Variants in CRIM1 observed in about 807,000 individuals in gnomAD.
The protein encoded by CRIM1 is cysteine-rich motor neuron 1 protein.
In CRIM1, 32 loss-of-function variants were observed where a neutral mutation model predicts 116.4. That is an observed-to-expected ratio of 0.27 (90% CI 0.21 to 0.37). CRIM1 has a LOEUF of 0.37. Among genes scored for constraint, CRIM1 ranks in the 10% least tolerant of loss-of-function variants. The pLI, the probability that CRIM1 is intolerant of heterozygous loss-of-function variation, is 1.00. For synonymous variants in CRIM1, 590 were observed against 509.2 expected (o/e 1.16, Z -2.13); for missense variants, 1,331 against 1,354.8 (o/e 0.98, Z 0.28).
intron 11 of CRIM1, among the ~76,000 whole-genome samples, chr2:36,515,512 G>T (rs1664982759): frequency 3.3e-5 from 5 of 152,198 alleles, no homozygotes; most frequent in Admixed American, 3.3e-4. Context: ...TGCATTCACG[G>T]ACTCCTACTT....
intron 1 of CRIM1, among the ~76,000 whole-genome samples, chr2:36,373,133 A>G (rs932310915): frequency 1.3e-5 from 2 of 152,162 alleles, no homozygotes; most frequent in Non-Finnish European, 2.9e-5. Flanking sequence ...CCAAAATGAG[A>G]AGTGTGTGTG....
intron 4 of CRIM1, among the ~76,000 whole-genome samples, chr2:36,463,826 G>A (rs577363830): frequency 7.6e-4 from 115 of 152,266 alleles, no homozygotes; most frequent in African/African-American, 2.7e-3. Flanking sequence ...CAGAGAGATC[G>A]ATGCTCAGGT....
At position 36,356,826 on chromosome 2, in the gene CRIM1, G is replaced by A. The variant is rs1203884343; in HGVS notation, c.331+203G>A. Among the ~76,000 whole-genome samples the A allele has an allele frequency of 6.6e-6, 1 of 152,244 alleles. No homozygotes were observed. The highest frequency in any genetic ancestry group is 1.9e-4 in the East Asian group (1 of 5,178). Reference sequence around the variant, plus strand: ...CCCCGACGCTTAGGCAGTCGCGGGCGAGGTTGGGTATGGTGGGTGGGGGCG... The same window carrying A: ...CCCCGACGCTTAGGCAGTCGCGGGCAAGGTTGGGTATGGTGGGTGGGGGCG... On this transcript the variant is annotated intron_variant, in intron 1 of 16. Coordinates refer to ENST00000280527, the MANE Select transcript of CRIM1 (RefSeq NM_016441.3). This position sits in a 1 kb window ranked among gnomAD's most constrained non-coding sequence, Gnocchi z 4.3.
chr2:36,438,228 C>T (rs1007229391), intron 2 of CRIM1, among the ~76,000 whole-genome samples: 1 of 151,532 alleles, frequency 6.6e-6, no homozygotes, highest in Non-Finnish European at 1.5e-5. Context: ...TTTCAAAATT[C>T]TGATTATTAC....
intron 2 of CRIM1, among the ~76,000 whole-genome samples, chr2:36,400,738 C>T (rs1339274276): frequency 6.6e-6 from 1 of 151,964 alleles, no homozygotes; most frequent in African/African-American, 2.4e-5. Flanking sequence ...AGAATGAGGG[C>T]AGAAAGAATT....
intron 15 of CRIM1, among the ~76,000 whole-genome samples, chr2:36,544,837 G>A (rs888388334): frequency 6.6e-6 from 1 of 152,174 alleles, no homozygotes; most frequent in Non-Finnish European, 1.5e-5. Flanking sequence ...TATAAACTTT[G>A]TAAGGAGAGT....
At position 36,512,286 on chromosome 2, in the gene CRIM1, G is replaced by A. The variant is rs751384549; in HGVS notation, c.1672G>A (p.Gly558Ser). ...CPLGLLKNKH[G>S]CDICRCKKCP... is the part of the protein sequence containing the mutation. The stretch of plus-strand genomic sequence containing the variant: ...TTAATTACCCAGGAAGAATAAGCAC[G>A]GCTGTGACATCTGTCGCTGTAAGAA... The change falls in exon 10 of 17, where the codon GGC (glycine) becomes AGC (serine). Residue 558 changes from glycine to serine, a missense_variant. Around this residue, in one of 3 missense-constraint regions of CRIM1, gnomAD observed 358 missense variants for 436.1 expected, o/e 0.82. Transcript: ENST00000280527. 8.1e-6 allele frequency: 13 copies of A among 1,613,044 alleles called. No homozygotes were observed. The highest frequency in any genetic ancestry group is 3.3e-5 in the Admixed American group (2 of 59,996).
At chr2:36,458,697 T>G (rs566792960) in intron 4 of CRIM1, among the ~76,000 whole-genome samples, 10 of 152,256 alleles carry the variant, frequency 6.6e-5, no homozygotes, top group African/African-American at 2.4e-4. Context: ...ACAAGGTGAC[T>G]GATGTTCCTG....
chr2:36,416,348 A>G (rs767096397), intron 2 of CRIM1, among the ~76,000 whole-genome samples: 2 of 152,182 alleles, frequency 1.3e-5, no homozygotes, highest in African/African-American at 4.8e-5. Flanking sequence ...ATGATATGCT[A>G]AAAGAATGGG....
intron 8 of CRIM1, among the ~76,000 whole-genome samples, chr2:36,500,393 C>T (rs1194572764): frequency 1.3e-5 from 2 of 152,168 alleles, no homozygotes; most frequent in African/African-American, 2.4e-5. Flanking sequence ...CCTAAGTTTG[C>T]ATTAGCTCCT....
intron 2 of CRIM1, among the ~76,000 whole-genome samples, chr2:36,415,189 T>C (rs1403051006): frequency 1.3e-5 from 2 of 152,164 alleles, no homozygotes; most frequent in Non-Finnish European, 2.9e-5. Context: ...GGGTTCTGGC[T>C]TGAGCAGTTG....
chr2:36,438,694 G>A (rs187855479), intron 2 of CRIM1, among the ~76,000 whole-genome samples: 32 of 152,234 alleles, frequency 2.1e-4, no homozygotes, highest in Non-Finnish European at 4.1e-4. Context: ...TAGCTAACCC[G>A]GTAGCTTTAA....
At chr2:36,501,548 A>G (rs889037412) in intron 8 of CRIM1, among the ~76,000 whole-genome samples, 1 of 151,760 alleles carries the variant, frequency 6.6e-6, no homozygotes, top group Non-Finnish European at 1.5e-5. Context: ...GCAAAACCCC[A>G]TCTCTACAAA....
chr2:36,414,228 G>A (rs749433029), intron 2 of CRIM1, among the ~76,000 whole-genome samples: 1 of 152,184 alleles, frequency 6.6e-6, no homozygotes, highest in Non-Finnish European at 1.5e-5. Context: ...AAGCAGTGCT[G>A]TTATATACAA....
chr2:36,500,392 G>A (rs1680902283), intron 8 of CRIM1, among the ~76,000 whole-genome samples: 1 of 152,154 alleles, frequency 6.6e-6, no homozygotes. Flanking sequence ...GCCTAAGTTT[G>A]CATTAGCTCC....
chr2:36,522,815 AGAAG>A (rs753187615), intron 13 of CRIM1, among the ~76,000 whole-genome samples: 6 of 143,216 alleles, frequency 4.2e-5, no homozygotes, highest in Non-Finnish European at 6.1e-5. Flanking sequence ...AAAAAAAAAA[AGAAG>A]AAGAAGAAGA....
chr2:36,376,026 A>G (rs1350675171), intron 1 of CRIM1, among the ~76,000 whole-genome samples: 1 of 152,204 alleles, frequency 6.6e-6, no homozygotes, highest in African/African-American at 2.4e-5. Flanking sequence ...CAGGATGAAT[A>G]AAGAGGTGTA....
chr2:36,499,113 C>G, intron 7 of CRIM1, 106 bp from the exon 8 acceptor site: 1 of 809,182 alleles, frequency 1.2e-6, no homozygotes, highest in Admixed American at 2.3e-5. Flanking sequence ...ATGACAATTA[C>G]TGATTTGATT....
At chr2:36,524,501 G>C (rs1478469190) in intron 13 of CRIM1, among the ~76,000 whole-genome samples, 1 of 152,016 alleles carries the variant, frequency 6.6e-6, no homozygotes, top group Non-Finnish European at 1.5e-5. Flanking sequence ...AAAGGAAATA[G>C]TTCACAAGTC....
Sources: allele counts gnomAD v4.1 joint callset (sites outside exome capture counted in the v4.1 genomes callset), GRCh38; gene constraint gnomAD v4.1.1; regional missense constraint gnomAD v4.1.1; non-coding constraint Gnocchi (gnomAD v3.1); transcripts MANE v1.5; gene names NCBI Gene and HGNC (gene_info 2026-07-23, HGNC 2026-07-21).